The following GLIS3 variants were observed in gnomAD, a reference collection of about 807,000 sequenced individuals.
GLIS3 encodes GLIS family zinc finger 3, also known as zinc finger protein GLIS3.
Under a neutral mutation model 78.6 loss-of-function variants are expected in GLIS3, and 53 were observed. The observed-to-expected ratio is 0.67, with a 90% CI of 0.54 to 0.85. The LOEUF (loss-of-function observed/expected upper bound fraction) is 0.85, where lower values mean the gene tolerates loss of function less well. GLIS3 is among the 40% of genes least tolerant of loss of function. The pLI, the probability that GLIS3 is intolerant of heterozygous loss-of-function variation, is 0.00. For synonymous variants in GLIS3, 684 were observed against 509.9 expected, an observed-to-expected ratio of 1.34 and a Z score of -4.60; for missense variants, 1,703 against 1,231.1, an observed-to-expected ratio of 1.38 and a Z score of -5.74.
the GLIS3 span, among the ~76,000 whole-genome samples, chr9:4,460,991 T>C: frequency 1.3e-5 from 2 of 152,268 alleles, no homozygotes; most frequent in Non-Finnish European, 2.9e-5. Flanking sequence ...CCATAGAGAA[T>C]TAAGAATTTT....
the GLIS3 span, among the ~76,000 whole-genome samples, chr9:4,373,431 T>C: frequency 3.3e-5 from 5 of 152,156 alleles, no homozygotes; most frequent in Non-Finnish European, 7.3e-5. Context: ...CCTTTCCACA[T>C]GGTTCTGATA....
chr9:4,101,377 T>A (rs905812771), intron 4 of GLIS3, among the ~76,000 whole-genome samples: 2 of 152,216 alleles, frequency 1.3e-5, no homozygotes, highest in Admixed American at 6.5e-5. Context: ...CAAAATTAAA[T>A]GTCCAAATGC....
At chr9:4,001,927 G>A (rs1821148725) in intron 4 of GLIS3, among the ~76,000 whole-genome samples, 1 of 152,248 alleles carries the variant, frequency 6.6e-6, no homozygotes, top group South Asian at 2.1e-4. Flanking sequence ...GCCTGCCTGG[G>A]TGGTTCTCAC....
In GLIS3 at chr9:3,862,723, G is replaced by T. The variant is rs116157162; in HGVS notation, c.2298-6539C>A. On this transcript the variant is annotated intron_variant, in intron 8 of 10. Transcript: ENST00000381971. The stretch of plus-strand genomic sequence containing the variant: ...TTTACACGATCAACTAGATTAAAAG[G>T]CGGTATGTGTTCTGGATAGTTTTTC... Among the ~76,000 whole-genome samples the T allele has an allele frequency of 1.8e-3, 269 of 152,190 alleles. 1 individual carries two copies. Among genetic ancestry groups the T allele is most frequent in the African/African-American group, 6.2e-3 (256 of 41,524 alleles).
chr9:4,467,238 T>C, the GLIS3 span, among the ~76,000 whole-genome samples: 7 of 152,178 alleles, frequency 4.6e-5, no homozygotes, highest in African/African-American at 1.7e-4. Context: ...TAGCAAAAAC[T>C]TCTACAGACT....
intron 2 of GLIS3, among the ~76,000 whole-genome samples, chr9:4,251,422 T>A (rs1221221356): frequency 1.8e-5 from 2 of 111,360 alleles, no homozygotes; most frequent in African/African-American, 3.4e-5. Context: ...GAGACTAGGA[T>A]TGCAATCTTT....
At chr9:4,243,744 C>T (rs1823546136) in intron 2 of GLIS3, among the ~76,000 whole-genome samples, 1 of 152,144 alleles carries the variant, frequency 6.6e-6, no homozygotes, top group Non-Finnish European at 1.5e-5. Context: ...TCTCATCTGC[C>T]TGGAATGGAT....
intron 2 of GLIS3, among the ~76,000 whole-genome samples, chr9:4,254,270 A>C (rs899035152): frequency 2.0e-5 from 3 of 152,232 alleles, no homozygotes; most frequent in African/African-American, 7.2e-5. Context: ...TAAAGAGTCC[A>C]TTCATGATAT....
intron 1 of GLIS3, among the ~76,000 whole-genome samples, chr9:4,295,125 G>GA (rs1277395219): frequency 6.6e-6 from 1 of 152,090 alleles, no homozygotes; most frequent in African/African-American, 2.4e-5. Flanking sequence ...GGTGAACAAT[G>GA]AAAAATCCCA....
At chr9:4,078,069 C>G (rs1352835479) in intron 4 of GLIS3, among the ~76,000 whole-genome samples, 1 of 152,108 alleles carries the variant, frequency 6.6e-6, no homozygotes, top group Non-Finnish European at 1.5e-5. Context: ...TCATTGGACC[C>G]TGAATGATAT....
chr9:3,836,342 G>A (rs535816296), intron 9 of GLIS3, among the ~76,000 whole-genome samples: 11 of 152,218 alleles, frequency 7.2e-5, no homozygotes, highest in African/African-American at 2.4e-4. Flanking sequence ...TTATTTTTCC[G>A]CAGAGACTAT....
chr9:4,395,150 T>A, the GLIS3 span, among the ~76,000 whole-genome samples: 3 of 152,218 alleles, frequency 2.0e-5, no homozygotes, highest in Non-Finnish European at 4.4e-5. Flanking sequence ...CAGACCATGT[T>A]CATACATTTA....
chr9:3,961,317 A>G (rs1817534073), intron 4 of GLIS3, among the ~76,000 whole-genome samples: 1 of 152,228 alleles, frequency 6.6e-6, no homozygotes, highest in Admixed American at 6.5e-5. Flanking sequence ...GTTATTAAAA[A>G]TAAACAAACA....
At chr9:3,848,064 G>A (rs1214406678) in intron 9 of GLIS3, among the ~76,000 whole-genome samples, 1 of 152,086 alleles carries the variant, frequency 6.6e-6, no homozygotes, top group Middle Eastern at 3.2e-3. Context: ...TTATCTTTCT[G>A]GGATTTCAAG....
At chr9:4,368,089 G>C in the GLIS3 span, among the ~76,000 whole-genome samples, 1 of 152,202 alleles carries the variant, frequency 6.6e-6, no homozygotes, top group African/African-American at 2.4e-5. Flanking sequence ...TCATGTCAAT[G>C]AACGTATCAC....
At chr9:4,344,233 CCT>C (rs1320540516) in intron 2 of GLIS3, among the ~76,000 whole-genome samples, 1 of 152,064 alleles carries the variant, frequency 6.6e-6, no homozygotes, top group Non-Finnish European at 1.5e-5. Context: ...CCCAGGGTTT[CCT>C]CTCTTCCCTC....
the GLIS3 span, among the ~76,000 whole-genome samples, chr9:4,460,033 T>C: frequency 6.6e-6 from 1 of 151,890 alleles, no homozygotes; most frequent in Non-Finnish European, 1.5e-5. Context: ...TGGTGCTGAA[T>C]TGTCCATTCC....
chr9:3,834,767 C>T (rs951007986), intron 9 of GLIS3, among the ~76,000 whole-genome samples: 9 of 152,146 alleles, frequency 5.9e-5, no homozygotes, highest in African/African-American at 1.9e-4. Context: ...AATATAAATA[C>T]ATTAATAAGT....
At position 3,991,751 on chromosome 9, in the gene GLIS3, T is replaced by C. The variant is rs569722065; in HGVS notation, c.1711-54562A>G. On this transcript the variant is annotated intron_variant, in intron 4 of 10. Coordinates refer to ENST00000381971, the MANE Select transcript of GLIS3 (RefSeq NM_001042413.2). ...TGTCGCCCAGGCTGGAGTGCAGTGG[T>C]GGGATCTCGGCTCACTGCAAGCTCC... Among the ~76,000 whole-genome samples the C allele has an allele frequency of 2.7e-3, 372 of 136,250 alleles. 1 individual carries two copies. Among genetic ancestry groups the C allele is most frequent in the South Asian group, 0.017 (71 of 4,132 alleles). 89.4% of individuals were successfully genotyped at this position (136,250 alleles called of 152,430 possible). A position where few individuals can be genotyped will look rare whatever the true frequency, so the allele number is the denominator to read the frequency against.
Sources: gnomAD v4.1 joint callset for allele counts (sites outside exome capture counted in the v4.1 genomes callset) on GRCh38, gnomAD v4.1.1 for gene constraint, MANE v1.5 for transcripts, NCBI Gene and HGNC (gene_info 2026-07-23, HGNC 2026-07-21) for gene names.